Variants in ATP6V0D2 observed in about 807,000 individuals in gnomAD.
ATP6V0D2 encodes V-type proton ATPase subunit d 2.
In ATP6V0D2, 40 loss-of-function variants were observed where a neutral mutation model predicts 40.0. The ratio of observed to expected loss-of-function variants is 1.00; its 90% CI spans 0.78 to 1.30. The LOEUF is 1.30. Ranked by LOEUF, ATP6V0D2 falls within the 50% of genes most tolerant of loss-of-function variation. The pLI is 0.00. For synonymous variants in ATP6V0D2, 179 were observed against 156.3 expected, an observed-to-expected ratio of 1.15 and a Z score of -1.08; for missense variants, 470 against 423.1, an observed-to-expected ratio of 1.11 and a Z score of -0.97.
chr8:86,151,674 G>A (rs1473321148), intron 7 of ATP6V0D2, 134 bp downstream of exon 7: 3 of 631,636 alleles, frequency 4.7e-6, no homozygotes, highest in Non-Finnish European at 8.2e-6. Flanking sequence ...GATAGTCAGT[G>A]ATGTATTATT....
At chr8:86,129,460 G>A (rs978194817) in intron 2 of ATP6V0D2, among the ~76,000 whole-genome samples, 1 of 152,108 alleles carries the variant, frequency 6.6e-6, no homozygotes, top group African/African-American at 2.4e-5. Context: ...AGGACTGCCT[G>A]AGCCCAGGAG....
chr8:86,150,791 C>T (rs908579077), intron 6 of ATP6V0D2, among the ~76,000 whole-genome samples: 1 of 152,116 alleles, frequency 6.6e-6, no homozygotes, highest in African/African-American at 2.4e-5. Flanking sequence ...TGTCCTTCCC[C>T]CACTCCAGCA....
chr8:86,117,603 T>C (rs1365239337), intron 2 of ATP6V0D2, among the ~76,000 whole-genome samples: 3 of 152,190 alleles, frequency 2.0e-5, no homozygotes, highest in Admixed American at 1.3e-4. Flanking sequence ...CCATGTTACT[T>C]ACAGGCAAGA....
chr8:86,147,166 G>C (rs938404101), intron 5 of ATP6V0D2, among the ~76,000 whole-genome samples: 1 of 152,028 alleles, frequency 6.6e-6, no homozygotes, highest in African/African-American at 2.4e-5. Context: ...TGCTGATAAG[G>C]CTGGGCTCCA....
chr8:86,132,414 A>T (rs1306590559), intron 2 of ATP6V0D2, among the ~76,000 whole-genome samples: 1 of 152,068 alleles, frequency 6.6e-6, no homozygotes, highest in Non-Finnish European at 1.5e-5. Context: ...CTAACTATAG[A>T]ACTTATACCT....
At chr8:86,121,879 G>A (rs1373594813) in intron 2 of ATP6V0D2, among the ~76,000 whole-genome samples, 1 of 152,060 alleles carries the variant, frequency 6.6e-6, no homozygotes, top group Non-Finnish European at 1.5e-5. Flanking sequence ...ATTTAAGTTG[G>A]TATAATAAAT....
intron 2 of ATP6V0D2, among the ~76,000 whole-genome samples, chr8:86,132,090 T>C (rs1818833032): frequency 6.6e-6 from 1 of 152,208 alleles, no homozygotes; most frequent in Admixed American, 6.5e-5. Context: ...TTATCACAAC[T>C]GTTCTTTTTC....
At chr8:86,124,004 T>G (rs1203736972) in intron 2 of ATP6V0D2, among the ~76,000 whole-genome samples, 1 of 152,186 alleles carries the variant, frequency 6.6e-6, no homozygotes, top group African/African-American at 2.4e-5. Flanking sequence ...TTTAATTTGT[T>G]GAATTCCAGT....
At chr8:86,130,053 T>C (rs562751299) in intron 2 of ATP6V0D2, among the ~76,000 whole-genome samples, 1 of 152,100 alleles carries the variant, frequency 6.6e-6, no homozygotes, top group South Asian at 2.1e-4. Context: ...TTCTCACTTA[T>C]TTCCTCATCC....
Position 86,151,522 on chromosome 8 carries a change from CG to C in ATP6V0D2, c.874del (p.Val292CysfsTer9). On this transcript the variant is annotated frameshift_variant, in exon 7 of 8. Transcript: ENST00000285393. LOFTEE classifies it low-confidence loss of function (END_TRUNC). Reference sequence around the variant, plus strand: ...GCAGTGGGGGAAAGACATTGGAGGACGTGTTTTACGAGCGTGAGGTATGATA... The same window carrying C: ...GCAGTGGGGGAAAGACATTGGAGGACTGTTTTACGAGCGTGAGGTATGATA... ...GGSGGKTLED[V>X]FYEREVQMNV... is the part of the protein sequence containing the mutation. 1.2e-6 allele frequency: 2 copies of C among 1,607,398 alleles called. No individual in the cohort carries two copies. The highest frequency in any genetic ancestry group is 1.7e-6 in the Non-Finnish European group (2 of 1,177,004).
intron 6 of ATP6V0D2, among the ~76,000 whole-genome samples, chr8:86,150,631 C>T (rs1819132352): frequency 6.6e-6 from 1 of 152,108 alleles, no homozygotes; most frequent in Admixed American, 6.6e-5. Context: ...GTAAAATAGT[C>T]TAACCCAGCA....
At chr8:86,129,059 C>T (rs1207056909) in intron 2 of ATP6V0D2, among the ~76,000 whole-genome samples, 3 of 152,172 alleles carry the variant, frequency 2.0e-5, no homozygotes. Context: ...AGGAAAATAT[C>T]TTCTTCTAAC....
At chr8:86,129,819 G>C (rs1396862865) in intron 2 of ATP6V0D2, among the ~76,000 whole-genome samples, 3 of 148,292 alleles carry the variant, frequency 2.0e-5, no homozygotes, top group Non-Finnish European at 4.5e-5. Context: ...AAAAAAAAAG[G>C]GAAAAAAATT....
At chr8:86,151,743 T>C (rs897364810) in intron 7 of ATP6V0D2, among the ~76,000 whole-genome samples, 2 of 144,184 alleles carry the variant, frequency 1.4e-5, no homozygotes, top group Non-Finnish European at 3.0e-5. Flanking sequence ...CTAAAGTTTG[T>C]AGCTTTTCTT....
At chr8:86,151,341 A>G in intron 6 of ATP6V0D2, 125 bp from the exon 7 acceptor site, 1 of 702,454 alleles carries the variant, frequency 1.4e-6, no homozygotes, top group Non-Finnish European at 2.3e-6. Context: ...CTATAAAAAA[A>G]CATTCAGTCC....
chr8:86,102,146 T>C (rs1762917472), intron 1 of ATP6V0D2, among the ~76,000 whole-genome samples: 1 of 152,170 alleles, frequency 6.6e-6, no homozygotes, highest in Non-Finnish European at 1.5e-5. Context: ...TGAAGATATA[T>C]GAATAGGTCT....
intron 1 of ATP6V0D2, among the ~76,000 whole-genome samples, chr8:86,100,558 C>T (rs1284889862): frequency 6.6e-6 from 1 of 152,166 alleles, no homozygotes; most frequent in Non-Finnish European, 1.5e-5. Context: ...ACAAACCCTG[C>T]ACTTCCATTA....
chr8:86,142,664 A>C (rs60402647), intron 4 of ATP6V0D2, among the ~76,000 whole-genome samples: 2,008 of 152,324 alleles, frequency 0.013, 46 homozygotes, highest in African/African-American at 0.046. Flanking sequence ...GTTATGATAA[A>C]TGCAGTTTTG....
chr8:86,116,531 A>C (rs923648895), intron 2 of ATP6V0D2, among the ~76,000 whole-genome samples: 1 of 152,212 alleles, frequency 6.6e-6, no homozygotes, highest in African/African-American at 2.4e-5. Flanking sequence ...AAATAACTGC[A>C]TAGAATTGGC....
Sources: gnomAD v4.1 joint callset for allele counts (sites outside exome capture counted in the v4.1 genomes callset) on GRCh38, gnomAD v4.1.1 for gene constraint, MANE v1.5 for transcripts, NCBI Gene and HGNC (gene_info 2026-07-23, HGNC 2026-07-21) for gene names.